The following FER variants were observed in gnomAD, a reference collection of about 807,000 sequenced individuals.
FER encodes the protein FER tyrosine kinase, also known as tyrosine-protein kinase Fer.
In FER, 63 loss-of-function variants were observed where a neutral mutation model predicts 111.0. The observed-to-expected ratio is 0.57, with a 90% CI of 0.46 to 0.70. The LOEUF is 0.70. FER is among the 30% of genes least tolerant of loss of function. The pLI is 0.00. For missense variants in FER, 914 were observed against 954.0 expected, an observed-to-expected ratio of 0.96 and a Z score of 0.55; for synonymous variants, 327 against 313.9, an observed-to-expected ratio of 1.04 and a Z score of -0.44.
At chr5:108,827,910 C>T (rs1431317785) in intron 3 of FER, among the ~76,000 whole-genome samples, 1 of 148,710 alleles carries the variant, frequency 6.7e-6, no homozygotes, top group Non-Finnish European at 1.5e-5. Context: ...CTCACTGTAA[C>T]CTCAAACTCC....
intron 10 of FER, among the ~76,000 whole-genome samples, chr5:108,935,894 A>T (rs1755399563): frequency 6.6e-6 from 1 of 152,060 alleles, no homozygotes; most frequent in African/African-American, 2.4e-5. Context: ...TGTTTATTAC[A>T]TTATTGGAGC....
At chr5:109,139,644 G>C (rs1753310523) in intron 17 of FER, among the ~76,000 whole-genome samples, 1 of 151,990 alleles carries the variant, frequency 6.6e-6, no homozygotes, top group African/African-American at 2.4e-5. Flanking sequence ...CTGCAAGTCA[G>C]CAGAAAATTG....
chr5:108,810,013 T>G (rs1022638694), intron 3 of FER, among the ~76,000 whole-genome samples: 5 of 152,326 alleles, frequency 3.3e-5, no homozygotes, highest in Admixed American at 2.0e-4. Context: ...CATCTAGAGG[T>G]GCTGGCACTT....
At chr5:108,783,889 G>A (rs541646205) in intron 2 of FER, among the ~76,000 whole-genome samples, 9 of 152,128 alleles carry the variant, frequency 5.9e-5, no homozygotes, top group Non-Finnish European at 5.9e-5. Context: ...GACATGTGGA[G>A]AACAAGAGGC....
chr5:109,060,356 G>A (rs900221755), intron 16 of FER, among the ~76,000 whole-genome samples: 3 of 151,922 alleles, frequency 2.0e-5, no homozygotes, highest in African/African-American at 7.2e-5. Flanking sequence ...AGCTTACTTA[G>A]CTCAGTCTCT....
At chr5:108,780,802 G>T (rs1196099682) in intron 2 of FER, among the ~76,000 whole-genome samples, 2 of 145,954 alleles carry the variant, frequency 1.4e-5, no homozygotes, top group Non-Finnish European at 3.0e-5. Flanking sequence ...CACAGTTTTT[G>T]TATATTCTGC....
rs1223026012 is a variant in FER, at chr5:109,003,286, T to C, written c.1657-34136T>C. On this transcript the variant is annotated intron_variant, in intron 13 of 19. Coordinates refer to ENST00000281092, the MANE Select transcript of FER (RefSeq NM_005246.4). ...TATACACCATGTAATACTATGCAGC[T>C]ATAAAAAATGATGAGTTCATGTCCT... Among the ~76,000 whole-genome samples the C allele has an allele frequency of 2.0e-5, 3 of 151,292 alleles. No homozygotes were observed. The South Asian group carries it at 6.3e-4, about 32-fold the overall frequency.
intron 13 of FER, among the ~76,000 whole-genome samples, chr5:109,009,763 C>G (rs1399804721): frequency 6.6e-6 from 1 of 152,138 alleles, no homozygotes; most frequent in East Asian, 1.9e-4. Flanking sequence ...CTGACTTAGC[C>G]TGGATTTACT....
chr5:108,816,921 G>A (rs1758338757), intron 3 of FER, among the ~76,000 whole-genome samples: 1 of 151,550 alleles, frequency 6.6e-6, no homozygotes, highest in African/African-American at 2.4e-5. Context: ...GGGCAACGTG[G>A]CAAAATCCCA....
At chr5:108,799,567 C>G (rs1361987886) in intron 3 of FER, among the ~76,000 whole-genome samples, 1 of 152,094 alleles carries the variant, frequency 6.6e-6, no homozygotes, top group African/African-American at 2.4e-5. Flanking sequence ...ATACAGGACA[C>G]CATTTGAATT....
intron 13 of FER, among the ~76,000 whole-genome samples, chr5:109,022,777 C>T (rs114813499): frequency 0.011 from 1,600 of 152,154 alleles, 36 homozygotes; most frequent in African/African-American, 0.036. Context: ...GTAACTATGT[C>T]ATACAAATGT....
At chr5:109,002,800 C>T (rs181901742) in intron 13 of FER, among the ~76,000 whole-genome samples, 18,567 of 152,014 alleles carry the variant, frequency 0.12, 1,256 homozygotes, top group Middle Eastern at 0.17. Flanking sequence ...AAAAAGGGGG[C>T]GAAGGATATG....
At chr5:108,874,285 A>G (rs1213771794) in intron 8 of FER, among the ~76,000 whole-genome samples, 1 of 152,212 alleles carries the variant, frequency 6.6e-6, no homozygotes, top group African/African-American at 2.4e-5. Flanking sequence ...GGGTATAATG[A>G]GACCAAAATT....
intron 8 of FER, among the ~76,000 whole-genome samples, chr5:108,875,382 C>T (rs939433635): frequency 2.0e-5 from 3 of 152,078 alleles, no homozygotes; most frequent in African/African-American, 7.2e-5. Context: ...TCCCTACCAA[C>T]ACCTATCTCC....
At chr5:109,186,535 T>C (rs552639553) in intron 19 of FER, among the ~76,000 whole-genome samples, 1 of 152,322 alleles carries the variant, frequency 6.6e-6, no homozygotes, top group South Asian at 2.1e-4. Flanking sequence ...TATAGGCTTT[T>C]CTTCCACCCT....
At chr5:108,986,452 A>G (rs1206268050) in intron 13 of FER, among the ~76,000 whole-genome samples, 1 of 151,872 alleles carries the variant, frequency 6.6e-6, no homozygotes, top group African/African-American at 2.4e-5. Flanking sequence ...TCATTTAATT[A>G]AGTCTCATAT....
chr5:108,756,169 A>T (rs946968226), intron 1 of FER, among the ~76,000 whole-genome samples: 1 of 148,772 alleles, frequency 6.7e-6, no homozygotes, highest in Non-Finnish European at 1.5e-5. Context: ...AAAAAAAAAA[A>T]AAAATAATAA....
rs79512150 is a variant in FER at position 108,835,359 on chromosome 5, A to G, written c.382-349A>G. On this transcript the variant is annotated intron_variant, in intron 4 of 19. Coordinates refer to ENST00000281092, the MANE Select transcript of FER (RefSeq NM_005246.4). ...ACCATAGCCTGGCTCCTTTTTTGGT[A>G]TTTTTGGTAGAGACAGGGTTTTGCT... Among the ~76,000 whole-genome samples, 263 of 151,714 alleles carry G rather than the reference A, an allele frequency of 1.7e-3. 2 individuals are homozygous for G. The highest frequency in any genetic ancestry group is 6.1e-3 in the African/African-American group (251 of 41,340).
intron 8 of FER, among the ~76,000 whole-genome samples, chr5:108,881,752 A>G (rs74709078): frequency 0.016 from 2,447 of 152,110 alleles, 76 homozygotes; most frequent in African/African-American, 0.056. Context: ...GAGGAGAGGT[A>G]GTGGGTTCTG....
Sources: gnomAD v4.1 joint callset for allele counts (sites outside exome capture counted in the v4.1 genomes callset) on GRCh38, gnomAD v4.1.1 for gene constraint, MANE v1.5 for transcripts, NCBI Gene and HGNC (gene_info 2026-07-23, HGNC 2026-07-21) for gene names.